GPALPP1: variants seen among roughly 807,000 people sequenced by gnomAD.
The protein encoded by GPALPP1 is GPALPP motifs containing 1.
Under a neutral mutation model 38.9 loss-of-function variants are expected in GPALPP1, and 30 were observed. The ratio of observed to expected loss-of-function variants is 0.77; its 90% confidence interval spans 0.58 to 1.05. The LOEUF is 1.05. GPALPP1 is among the 50% of genes least tolerant of loss of function. The probability of loss-of-function intolerance (pLI) is 0.00; values close to 1 mark genes in which losing one functional copy is unlikely to be tolerated. For missense variants in GPALPP1, 384 were observed against 408.8 expected (o/e 0.94, Z 0.52); for synonymous variants, 120 against 139.2 (o/e 0.86, Z 0.97).
chr13:44,990,074 G>A, intron 1 of GPALPP1: 1 of 510,982 alleles, frequency 2.0e-6, no homozygotes, highest in Non-Finnish European at 3.4e-6. Context: ...TTGCAAATGG[G>A]TACGCCCAAG....
At chr13:45,008,634 A>G (rs545088522) in intron 3 of GPALPP1, among the ~76,000 whole-genome samples, 161 bp from the exon 4 acceptor site, 3 of 152,374 alleles carry the variant, frequency 2.0e-5, no homozygotes, top group Admixed American at 6.5e-5. Context: ...AAAGACGTCT[A>G]GCAGAAAGAT....
chr13:45,024,446 C>T (rs1438996020), intron 7 of GPALPP1, among the ~76,000 whole-genome samples: 3 of 151,804 alleles, frequency 2.0e-5, no homozygotes, highest in Non-Finnish European at 4.4e-5. Flanking sequence ...ACTACAGGCA[C>T]ATGCCACCAT....
chr13:45,017,466 AT>A (rs1874961508), intron 6 of GPALPP1, among the ~76,000 whole-genome samples: 1 of 152,194 alleles, frequency 6.6e-6, no homozygotes, highest in African/African-American at 2.4e-5. Flanking sequence ...AATGCCTATT[AT>A]TTCTTAGCTG....
intron 7 of GPALPP1, among the ~76,000 whole-genome samples, chr13:45,022,407 T>A (rs61106316): frequency 0.07 from 10,656 of 151,958 alleles, 561 homozygotes; most frequent in African/African-American, 0.13. Flanking sequence ...ATGCATTTTA[T>A]CATATGTATA....
chr13:45,037,013 A>T (rs1390785356), exon 8 of GPALPP1: 1 of 152,152 alleles, frequency 6.6e-6, no homozygotes, highest in Non-Finnish European at 1.5e-5. Context: ...AAGACAATAA[A>T]AGCTACAAGG....
chr13:45,024,424 C>T (rs544365121), intron 7 of GPALPP1, among the ~76,000 whole-genome samples: 69 of 151,742 alleles, frequency 4.5e-4, no homozygotes, highest in Admixed American at 1.1e-3. Flanking sequence ...CTCAGACTCC[C>T]GAATAGCTGG....
At position 45,015,595 on chromosome 13, in the gene GPALPP1, A is replaced by AG. The variant is rs1242807268; in HGVS notation, c.705+1dup. ...CCAGCTGATAGGGAAAGGAAAGCTA[A>AG]GGTGAGAGGTTTTGTTTGTTTGTTC... is the stretch of plus-strand genomic sequence containing the variant. On this transcript the variant is annotated frameshift_variant and splice_region_variant, in exon 6 of 8. Coordinates refer to ENST00000379151, the MANE Select transcript of GPALPP1 (RefSeq NM_018559.5). LOFTEE classifies it high-confidence loss of function. 2.0e-6 allele frequency: 3 copies of AG among 1,479,556 alleles called. No homozygotes were observed. Among genetic ancestry groups the AG allele is most frequent in the African/African-American group, 1.4e-5 (1 of 69,450 alleles). 91.7% of individuals were successfully genotyped at this position (1,479,556 alleles called of 1,614,324 possible). A position where few individuals can be genotyped will look rare whatever the true frequency, so the allele number is the denominator to read the frequency against.
At chr13:45,034,800 A>G (rs965535386), downstream of GPALPP1, 5 of 145,224 alleles carry the variant, frequency 3.4e-5, no homozygotes, top group African/African-American at 1.0e-4. Flanking sequence ...GTAATGGCGC[A>G]ATCTCGGCTC....
At chr13:45,033,302 A>C (rs897013114), downstream of GPALPP1, 27 of 152,172 alleles carry the variant, frequency 1.8e-4, no homozygotes, top group African/African-American at 6.5e-4. Context: ...AACATGATGG[A>C]AAGTGGTTGG....
chr13:44,996,516 C>T (rs1380686265), intron 1 of GPALPP1, among the ~76,000 whole-genome samples: 1 of 150,892 alleles, frequency 6.6e-6, no homozygotes, highest in Non-Finnish European at 1.5e-5. Context: ...AACAGCATCT[C>T]ACTGTCATCC....
At chr13:45,006,997 A>G (rs1266725427) in intron 3 of GPALPP1, among the ~76,000 whole-genome samples, 2 of 151,944 alleles carry the variant, frequency 1.3e-5, no homozygotes, top group South Asian at 2.1e-4. Context: ...ACAAGCAGAA[A>G]AGGCTTTTTA....
chr13:45,024,162 T>TGTGTGTGCGTGC (rs1466557255), intron 7 of GPALPP1, among the ~76,000 whole-genome samples: 6 of 20,022 alleles, frequency 3.0e-4, no homozygotes, highest in African/African-American at 6.2e-4. Flanking sequence ...TGTGTGTGTG[T>TGTGTGTGCGTGC]GTGTGTGTGT....
chr13:45,006,954 A>G (rs569314365), intron 3 of GPALPP1, among the ~76,000 whole-genome samples: 27 of 151,986 alleles, frequency 1.8e-4, no homozygotes, highest in Admixed American at 3.9e-4. Flanking sequence ...CAAATTGTTT[A>G]TAATTCATAA....
At chr13:45,007,577 CA>C (rs1196315531) in intron 3 of GPALPP1, among the ~76,000 whole-genome samples, 2 of 152,164 alleles carry the variant, frequency 1.3e-5, no homozygotes, top group Non-Finnish European at 2.9e-5. Context: ...TTAACAGTGC[CA>C]AACTTCCCTG....
intron 4 of GPALPP1, among the ~76,000 whole-genome samples, chr13:45,012,203 T>C (rs374476917): frequency 1.2e-4 from 18 of 152,122 alleles, no homozygotes; most frequent in African/African-American, 4.1e-4. Context: ...AAAGTTCTGC[T>C]CTGTCTGTAA....
At chr13:44,994,373 A>G (rs1873094246) in intron 1 of GPALPP1, among the ~76,000 whole-genome samples, 1 of 152,072 alleles carries the variant, frequency 6.6e-6, no homozygotes. Flanking sequence ...ACCTGAGGTC[A>G]GGAATTCGAG....
chr13:45,014,829 T>C (rs1874719399), intron 4 of GPALPP1, 123 bp from the exon 5 acceptor site: 2 of 758,560 alleles, frequency 2.6e-6, no homozygotes, highest in South Asian at 2.5e-5. Flanking sequence ...GAGCCAGCAA[T>C]ACATTGTTTA....
intron 7 of GPALPP1, among the ~76,000 whole-genome samples, chr13:45,024,189 G>T (rs1376569977): frequency 7.8e-6 from 1 of 127,664 alleles, no homozygotes; most frequent in African/African-American, 3.2e-5. Flanking sequence ...GTGTGTGTGT[G>T]TGTGTGTGTG....
rs1243325811 is a variant in GPALPP1, at chr13:44,990,251, C to G, written c.88+509C>G. The G allele has an allele frequency of 1.1e-5, 3 of 279,360 alleles. No homozygotes were observed. In the East Asian group the frequency reaches 1.9e-4, roughly 18 times the overall value. The allele number at this position is 279,360 out of a possible 1,614,324, so 17.3% of individuals were successfully genotyped here. A position where few individuals can be genotyped will look rare whatever the true frequency, so the allele number is the denominator to read the frequency against. ...TTCCTAGCCTCTCATTCTGTTATTG[C>G]ATCTGACAAACACAGCCCAATACTC... On this transcript the variant is annotated intron_variant, in intron 1 of 7. Coordinates refer to ENST00000379151, the MANE Select transcript of GPALPP1 (RefSeq NM_018559.5).
Sources: allele counts gnomAD v4.1 joint callset (sites outside exome capture counted in the v4.1 genomes callset), GRCh38; gene constraint gnomAD v4.1.1; transcripts MANE v1.5; gene names NCBI Gene and HGNC (gene_info 2026-07-23, HGNC 2026-07-21).